PCDH15: variants seen among roughly 807,000 people sequenced by gnomAD.
PCDH15 encodes the protein protocadherin-15.
In PCDH15, 129 loss-of-function variants were observed where a neutral mutation model predicts 178.5. The ratio of observed to expected loss-of-function variants is 0.72; its 90% CI spans 0.63 to 0.84. PCDH15 has a LOEUF of 0.84. Ranked by LOEUF, PCDH15 falls within the 40% of genes least tolerant of loss-of-function variation. PCDH15 has a pLI of 0.00. For missense variants in PCDH15, 2,230 were observed against 2,099.9 expected (o/e 1.06, Z -1.21); for synonymous variants, 800 against 732.0 (o/e 1.09, Z -1.50).
intron 2 of PCDH15, among the ~76,000 whole-genome samples, chr10:54,548,584 T>C (rs567486123): frequency 2.0e-5 from 3 of 146,990 alleles, no homozygotes; most frequent in African/African-American, 7.4e-5. Flanking sequence ...ATATATATTA[T>C]TGTATATATT....
chr10:54,666,319 T>G (rs2094571256), intron 1 of PCDH15, among the ~76,000 whole-genome samples: 2 of 152,082 alleles, frequency 1.3e-5, no homozygotes, highest in African/African-American at 4.8e-5. Flanking sequence ...AGAGAATAAG[T>G]GACTGGCTCA....
At chr10:55,073,347 A>T (rs868470568) in intron 2 of PCDH15, among the ~76,000 whole-genome samples, 139 of 151,892 alleles carry the variant, frequency 9.2e-4, no homozygotes, top group Non-Finnish European at 1.5e-3. Context: ...TATCTAGAAA[A>T]CCCCATTGTC....
At chr10:54,241,905 C>T (rs1178948679) in intron 8 of PCDH15, among the ~76,000 whole-genome samples, 1 of 150,882 alleles carries the variant, frequency 6.6e-6, no homozygotes, top group Non-Finnish European at 1.5e-5. Flanking sequence ...ATTTTAAGAA[C>T]CTTAAAATTA....
At chr10:55,296,878 C>T (rs781212940) in intron 1 of PCDH15, among the ~76,000 whole-genome samples, 13 of 152,020 alleles carry the variant, frequency 8.6e-5, no homozygotes, top group Non-Finnish European at 1.8e-4. Flanking sequence ...CCCTTTGTAC[C>T]TCCTTCAAAT....
chr10:55,349,956 A>G (rs78414650), intron 2 of PCDH15, among the ~76,000 whole-genome samples: 1 of 151,750 alleles, frequency 6.6e-6, no homozygotes, highest in South Asian at 2.1e-4. Context: ...TTGGTATAAT[A>G]ATCCATTCCA....
intron 25 of PCDH15, among the ~76,000 whole-genome samples, chr10:53,906,450 C>T (rs1416492991): frequency 6.6e-6 from 1 of 152,252 alleles, no homozygotes; most frequent in South Asian, 2.1e-4. Flanking sequence ...GTATCTCCTA[C>T]ATCTATCAGT....
intron 3 of PCDH15, among the ~76,000 whole-genome samples, chr10:54,397,478 A>C (rs1204958645): frequency 6.6e-6 from 1 of 152,122 alleles, no homozygotes; most frequent in Non-Finnish European, 1.5e-5. Flanking sequence ...CCACTATTGC[A>C]ATAGCCTTGA....
At chr10:54,517,406 C>T (rs1026901871) in intron 3 of PCDH15, among the ~76,000 whole-genome samples, 9 of 152,096 alleles carry the variant, frequency 5.9e-5, no homozygotes, top group African/African-American at 2.2e-4. Context: ...GCAGGAGTTG[C>T]AATCCTAGTC....
At chr10:55,179,223 TC>T (rs780219809) in intron 1 of PCDH15, among the ~76,000 whole-genome samples, 1 of 151,910 alleles carries the variant, frequency 6.6e-6, no homozygotes. Context: ...CCAAAACAAT[TC>T]CCCCCGTCGG....
intron 4 of PCDH15, among the ~76,000 whole-genome samples, chr10:54,371,324 A>G (rs1947637129): frequency 6.6e-6 from 1 of 151,868 alleles, no homozygotes; most frequent in Non-Finnish European, 1.5e-5. Flanking sequence ...TAAATGGGCT[A>G]CTGGAACACT....
intron 6 of PCDH15, among the ~76,000 whole-genome samples, chr10:54,336,391 T>A (rs1331875779): frequency 6.6e-6 from 1 of 152,184 alleles, no homozygotes. Context: ...CCTCCCATCA[T>A]AGGCCAGGAG....
chr10:53,809,088 T>G (rs761431484), intron 37 of PCDH15: 3 of 1,613,902 alleles, frequency 1.9e-6, no homozygotes, highest in South Asian at 2.2e-5. Context: ...TTTTCCTTGC[T>G]TTTTCTCCTT....
chr10:54,160,366 T>C (rs1307556474), intron 13 of PCDH15, among the ~76,000 whole-genome samples: 3 of 152,146 alleles, frequency 2.0e-5, no homozygotes, highest in Non-Finnish European at 2.9e-5. Context: ...GGAAGAATAC[T>C]GTAAAAATAA....
At chr10:54,167,969 T>A (rs2046439855) in intron 13 of PCDH15, among the ~76,000 whole-genome samples, 1 of 151,172 alleles carries the variant, frequency 6.6e-6, no homozygotes, top group Admixed American at 6.6e-5. Context: ...TCCCTCTGTT[T>A]CCCTACTCTC....
At chr10:54,108,985 C>A (rs1345661463) in intron 15 of PCDH15, among the ~76,000 whole-genome samples, 2 of 152,086 alleles carry the variant, frequency 1.3e-5, no homozygotes, top group Admixed American at 1.3e-4. Context: ...AAACAAAAAA[C>A]CTTGGTCCCT....
chr10:54,589,113 G>A (rs1477580002), intron 2 of PCDH15, among the ~76,000 whole-genome samples: 1 of 152,050 alleles, frequency 6.6e-6, no homozygotes, highest in East Asian at 1.9e-4. Flanking sequence ...TTTGATGTTA[G>A]TAATCATTAC....
At chr10:54,716,075 G>C (rs11004475) in intron 1 of PCDH15, among the ~76,000 whole-genome samples, 25 of 152,142 alleles carry the variant, frequency 1.6e-4, no homozygotes, top group East Asian at 1.2e-3. Context: ...CACATCTCCT[G>C]GTTCTCACAG....
intron 2 of PCDH15, among the ~76,000 whole-genome samples, chr10:55,378,916 G>T (rs1004347770): frequency 1.7e-5 from 2 of 115,972 alleles, no homozygotes; most frequent in African/African-American, 7.4e-5. Context: ...TCTCACATAT[G>T]CCCTTAATGT....
At chr10:54,951,105 A>G (rs909966047) in intron 2 of PCDH15, among the ~76,000 whole-genome samples, 11 of 151,910 alleles carry the variant, frequency 7.2e-5, no homozygotes, top group African/African-American at 2.7e-4. Flanking sequence ...TAGAGTTCAC[A>G]TTTTGTGTTG....
Sources: gnomAD v4.1 joint callset for allele counts (sites outside exome capture counted in the v4.1 genomes callset) on GRCh38, gnomAD v4.1.1 for gene constraint, MANE v1.5 for transcripts, NCBI Gene and HGNC (gene_info 2026-07-23, HGNC 2026-07-21) for gene names.